COL11A1: variants seen among roughly 807,000 people sequenced by gnomAD.
COL11A1 encodes the protein collagen alpha-1(XI) chain.
Under a neutral mutation model 265.2 loss-of-function variants are expected in COL11A1, and 74 were observed. The observed-to-expected ratio is 0.28, with a 90% CI of 0.23 to 0.34. The LOEUF (loss-of-function observed/expected upper bound fraction) is 0.34. Ranked by LOEUF, COL11A1 falls within the 10% of genes least tolerant of loss-of-function variation. COL11A1 has a pLI of 1.00. For synonymous variants in COL11A1, 816 were observed against 727.6 expected (o/e 1.12, Z -1.96); for missense variants, 2,165 against 2,263.6 (o/e 0.96, Z 0.88).
At position 102,879,704 on chromosome 1, in the gene COL11A1, T is replaced by G. The variant is rs544444081; in HGVS notation, c.5253A>C (p.Lys1751Asn). Residue 1751 changes from lysine (K) to asparagine (N), a missense_variant, in exon 66 of 67, where the codon AAA (lysine) becomes AAC (asparagine). Coordinates refer to ENST00000370096, the MANE Select transcript of COL11A1 (RefSeq NM_001854.4). ...EMSYDNNPFI[K>N]TLYDGCASRK... ...TCACCGCACAACCATCATACAGTGT[T>G]TTGATAAAAGGATTATTGTCATAGG... The G allele has an allele frequency of 6.2e-6, 10 of 1,613,692 alleles. No homozygotes were observed. The highest frequency in any genetic ancestry group is 8.5e-6 in the Non-Finnish European group (10 of 1,179,806).
intron 4 of COL11A1, among the ~76,000 whole-genome samples, chr1:103,043,566 T>C (rs1669008788): frequency 6.6e-6 from 1 of 152,116 alleles, no homozygotes; most frequent in Non-Finnish European, 1.5e-5. Context: ...CAATAATTTA[T>C]TCACCATTGA....
chr1:102,917,660 T>C (rs1394040969), intron 49 of COL11A1, among the ~76,000 whole-genome samples: 1 of 151,932 alleles, frequency 6.6e-6, no homozygotes. Flanking sequence ...TTTTCGTTCT[T>C]ATCAACTATA....
chr1:102,952,409 C>T (rs1052201502), intron 41 of COL11A1, among the ~76,000 whole-genome samples: 1 of 152,150 alleles, frequency 6.6e-6, no homozygotes, highest in African/African-American at 2.4e-5. Context: ...ATACTGTATA[C>T]TATTTTTTAT....
intron 46 of COL11A1, among the ~76,000 whole-genome samples, chr1:102,930,961 C>T (rs1021359416): frequency 1.3e-5 from 2 of 149,238 alleles, no homozygotes; most frequent in East Asian, 2.0e-4. Flanking sequence ...TTTTTTATTG[C>T]GTCTATTTGA....
chr1:103,078,555 GC>G (rs1672156353), intron 3 of COL11A1, 102 bp downstream of exon 3: 3 of 1,050,236 alleles, frequency 2.9e-6, no homozygotes, highest in Non-Finnish European at 4.4e-6. Context: ...TTTATCACCA[GC>G]CTCTAGAAAA....
intron 5 of COL11A1, among the ~76,000 whole-genome samples, chr1:103,030,647 A>AT (rs200322508): frequency 0.017 from 2,593 of 151,856 alleles, 86 homozygotes; most frequent in African/African-American, 0.06. Flanking sequence ...CTATGAGAAA[A>AT]TTTTTTTTAA....
At chr1:102,928,747 C>A (rs1656969386) in intron 46 of COL11A1, among the ~76,000 whole-genome samples, 1 of 143,136 alleles carries the variant, frequency 7.0e-6, no homozygotes, top group Admixed American at 7.2e-5. Context: ...CACATCCTCT[C>A]CAGCACCTGT....
intron 49 of COL11A1, among the ~76,000 whole-genome samples, chr1:102,919,153 A>G (rs1320180141): frequency 1.1e-5 from 1 of 91,648 alleles, no homozygotes; most frequent in African/African-American, 2.6e-5. Context: ...GTGTGTTTTC[A>G]GTTTCAACAC....
rs773709068 is a variant in COL11A1, at chr1:103,006,148, C to T, written c.1738-27G>A. 12 of 1,588,128 alleles carry T rather than the reference C, an allele frequency of 7.6e-6. 1 individual carries two copies. In the Admixed American group the frequency reaches 1.2e-4, roughly 16 times the overall value. On this transcript the variant is annotated intron_variant, in intron 16 of 66. Coordinates refer to ENST00000370096, the MANE Select transcript of COL11A1 (RefSeq NM_001854.4). The stretch of plus-strand genomic sequence containing the variant: ...TAATAATGCCAACAGCATGATTAAG[C>T]GAAGTGACTTTTATTACTAGCAAGG...
At chr1:102,902,234 T>G (rs1653300001) in intron 54 of COL11A1, among the ~76,000 whole-genome samples, 1 of 152,134 alleles carries the variant, frequency 6.6e-6, no homozygotes, top group Admixed American at 6.6e-5. Context: ...TGCATTTGTC[T>G]TGCTATGAGT....
At chr1:103,085,887 G>T (rs113214619) in intron 1 of COL11A1, among the ~76,000 whole-genome samples, 2 of 152,164 alleles carry the variant, frequency 1.3e-5, no homozygotes, top group African/African-American at 4.8e-5. Flanking sequence ...GTTCTTTACA[G>T]GGATTAACCC....
chr1:103,019,114 G>A (rs1374152426), intron 9 of COL11A1, among the ~76,000 whole-genome samples: 5 of 152,064 alleles, frequency 3.3e-5, no homozygotes, highest in African/African-American at 1.2e-4. Flanking sequence ...ATATTACAAA[G>A]GAGAATATGC....
intron 62 of COL11A1, 132 bp from the exon 63 acceptor site, chr1:102,887,188 G>A: frequency 9.4e-7 from 1 of 1,059,872 alleles, no homozygotes; most frequent in East Asian, 2.5e-5. Flanking sequence ...CAAAATTTAT[G>A]CTATAGGATA....
chr1:103,011,089 T>C (rs1453516888), intron 14 of COL11A1, among the ~76,000 whole-genome samples: 5 of 152,152 alleles, frequency 3.3e-5, no homozygotes, highest in East Asian at 1.9e-4. Flanking sequence ...AAAATTACAG[T>C]CGCTGGTTCC....
rs1330411366 is a variant in COL11A1, at chr1:102,907,780, T to G, written c.4086+4379A>C. On this transcript the variant is annotated intron_variant, in intron 54 of 66. Transcript: ENST00000370096. ...GCATGCATCTGTAGTGCATTTATTT[T>G]ATTAGCATACAAAATTTTAGTTTAT... is the stretch of plus-strand genomic sequence containing the variant. 3.9e-5 allele frequency among the ~76,000 whole-genome samples: 6 copies of G among 152,192 alleles called. No individual in the cohort carries two copies. In the South Asian group the frequency reaches 1.2e-3, roughly 32 times the overall value.
chr1:103,027,581 C>G (rs936960172), intron 5 of COL11A1, among the ~76,000 whole-genome samples: 3 of 151,412 alleles, frequency 2.0e-5, no homozygotes, highest in African/African-American at 7.3e-5. Context: ...TGATACGATT[C>G]CAATTATGTC....
chr1:103,064,195 T>C (rs1013729323), intron 4 of COL11A1, among the ~76,000 whole-genome samples: 7 of 152,142 alleles, frequency 4.6e-5, no homozygotes, highest in African/African-American at 1.7e-4. Flanking sequence ...ACAATCACAC[T>C]TCTTGGTATT....
Position 102,962,679 on chromosome 1 carries a change from C to G in COL11A1, c.2998G>C (p.Gly1000Arg). The G allele has an allele frequency of 6.2e-7, 1 of 1,614,122 alleles. No individual in the cohort carries two copies. Among genetic ancestry groups the G allele is most frequent in the Non-Finnish European group, 8.5e-7 (1 of 1,180,000 alleles). The change falls in exon 39 of 67, where the codon GGT becomes CGT. Residue 1000 changes from glycine (G) to arginine (R), a missense_variant. Gly to Arg is a moderately radical substitution (Grantham distance 125). Transcript: ENST00000370096. ...PGPPGEQGLP[G>R]AAGKEGAKGD... ...TTTGCACCTTCTTTTCCTGCAGCACCAGGAAGACCTTGCTCACCAGGAGGG... is the reference window on the plus strand; with the variant it reads ...TTTGCACCTTCTTTTCCTGCAGCACGAGGAAGACCTTGCTCACCAGGAGGG...
At chr1:103,014,659 TG>T (rs1178291350) in intron 12 of COL11A1, 65 bp from the exon 13 acceptor site, 2 of 1,352,574 alleles carry the variant, frequency 1.5e-6, no homozygotes, top group African/African-American at 2.9e-5. Flanking sequence ...TTACGTGCTT[TG>T]ATCATTAGAT....
Sources: gnomAD v4.1 joint callset for allele counts (sites outside exome capture counted in the v4.1 genomes callset) on GRCh38, gnomAD v4.1.1 for gene constraint, MANE v1.5 for transcripts, NCBI Gene and HGNC (gene_info 2026-07-23, HGNC 2026-07-21) for gene names.